Variants in TPRG1 observed in about 807,000 individuals in gnomAD.
TPRG1 encodes tumor protein p63-regulated gene 1 protein.
A neutral mutation model predicts 29.3 loss-of-function variants in TPRG1; 29 were observed. The observed-to-expected ratio is 0.99, with a 90% CI of 0.74 to 1.35. The LOEUF is 1.35. TPRG1 is among the 40% of genes most tolerant of loss of function. TPRG1 has a pLI of 0.00. For missense variants in TPRG1, 327 were observed against 335.0 expected (o/e 0.98, Z 0.19); for synonymous variants, 130 against 116.8 (o/e 1.11, Z -0.73).
Position 189,195,834 on chromosome 3 carries a change from A to G in TPRG1, c.-9-11542A>G, listed in dbSNP as rs138548704. On this transcript the variant is annotated intron_variant, in intron 1 of 5. Coordinates refer to ENST00000345063, the MANE Select transcript of TPRG1 (RefSeq NM_198485.4). The stretch of plus-strand genomic sequence containing the variant: ...AGGGATGGAGTGGTAGAGGCCTGGC[A>G]TTTCCTTCCCATCTCTACGTAACAA... 1.6e-4 allele frequency among the ~76,000 whole-genome samples: 24 copies of G among 152,210 alleles called. No individual in the cohort carries two copies. In the East Asian group the frequency reaches 4.2e-3, roughly 27 times the overall value.
chr3:189,088,970 ATCTATCTATC>A lies in TPRG1; in HGVS notation c.-462-38085_-462-38076del, dbSNP rs1718153450. 2.0e-4 allele frequency among the ~76,000 whole-genome samples: 9 copies of A among 44,872 alleles called. No individual in the cohort carries two copies. The African/African-American group carries it at 2.0e-3, about 10-fold the overall frequency. The allele number at this position is 44,872 out of a possible 152,430, so 29.4% of individuals were successfully genotyped here. A position where few individuals can be genotyped will look rare whatever the true frequency, so the allele number is the denominator to read the frequency against. On this transcript the variant is annotated intron_variant, in intron 4 of 10. Coordinates refer to the TPRG1 transcript ENST00000433971. ...GTCAGATATATGTGTATCTATTGAT[ATCTATCTATC>A]TATCTATCTATCTATCTATCTATCT... is the stretch of plus-strand genomic sequence containing the variant.
At chr3:189,087,335 C>T (rs1383901156) in intron 4 of TPRG1, among the ~76,000 whole-genome samples, 1 of 152,160 alleles carries the variant, frequency 6.6e-6, no homozygotes, top group East Asian at 1.9e-4. Context: ...ATATCCTTTG[C>T]CCAATTTTTG....
intron 2 of TPRG1, among the ~76,000 whole-genome samples, chr3:189,210,494 A>T (rs1193846388): frequency 6.9e-6 from 1 of 145,646 alleles, no homozygotes; most frequent in African/African-American, 2.8e-5. Context: ...AGTCTCAAAG[A>T]TTGAAATCTA....
chr3:189,259,036 C>G (rs1026511413), intron 4 of TPRG1, among the ~76,000 whole-genome samples: 1 of 152,094 alleles, frequency 6.6e-6, no homozygotes, highest in African/African-American at 2.4e-5. Context: ...TTCCAGGGAC[C>G]AATGGGGTAT....
intron 3 of TPRG1, among the ~76,000 whole-genome samples, chr3:189,223,636 A>T (rs1737257887): frequency 6.6e-6 from 1 of 152,214 alleles, no homozygotes; most frequent in East Asian, 1.9e-4. Context: ...AGAAAAAGTC[A>T]AGAGGTGAAA....
At chr3:189,253,315 A>G (rs966682447) in intron 4 of TPRG1, among the ~76,000 whole-genome samples, 11 of 152,066 alleles carry the variant, frequency 7.2e-5, no homozygotes, top group African/African-American at 1.9e-4. Context: ...GGAACCACTC[A>G]TGGGAGTTCT....
At position 189,006,174 on chromosome 3, in the gene TPRG1, T is replaced by C. The variant is rs140521642; in HGVS notation, c.-660+1414T>C. On this transcript the variant is annotated intron_variant, in intron 3 of 10. Transcript: ENST00000433971. ...AATCCGCATGCAGCTTCCCGATCACTAAGCACACTTTCTTGCAGTACAGGG... is the reference window on the plus strand; with the variant it reads ...AATCCGCATGCAGCTTCCCGATCACCAAGCACACTTTCTTGCAGTACAGGG... 4.6e-3 allele frequency among the ~76,000 whole-genome samples: 707 copies of C among 152,242 alleles called. 5 individuals are homozygous for C. The highest frequency in any genetic ancestry group is 7.0e-3 in the Non-Finnish European group (473 of 67,990).
intron 3 of TPRG1, among the ~76,000 whole-genome samples, chr3:189,143,262 A>G (rs1454788008): frequency 2.0e-5 from 3 of 152,176 alleles, no homozygotes; most frequent in African/African-American, 7.2e-5. Flanking sequence ...TAATATCTCC[A>G]TTCTCCAGAT....
intron 4 of TPRG1, among the ~76,000 whole-genome samples, chr3:189,296,406 TG>T (rs1472660480): frequency 1.3e-5 from 2 of 152,234 alleles, no homozygotes; most frequent in Non-Finnish European, 2.9e-5. Flanking sequence ...CAGCTAATGT[TG>T]CTGTTGGCTA....
intron 5 of TPRG1, among the ~76,000 whole-genome samples, chr3:189,157,143 A>C (rs7620609): frequency 0.4 from 60,202 of 151,720 alleles, 12,149 homozygotes; most frequent in South Asian, 0.54. Context: ...CAATGTTTTC[A>C]AAGAGGCTTC....
intron 5 of TPRG1, 103 bp from the exon 6 acceptor site, chr3:189,320,523 C>A: frequency 1.1e-6 from 1 of 910,046 alleles, no homozygotes; most frequent in Non-Finnish European, 1.6e-6. Context: ...TAACTGCAGC[C>A]CCAGGAGAGT....
intron 4 of TPRG1, among the ~76,000 whole-genome samples, chr3:189,094,094 C>T (rs1718515530): frequency 1.3e-5 from 2 of 152,160 alleles, no homozygotes; most frequent in South Asian, 2.1e-4. Flanking sequence ...GCCCTAAGCT[C>T]GAACCCTGGG....
intron 4 of TPRG1, among the ~76,000 whole-genome samples, chr3:189,091,670 A>G (rs1045877183): frequency 1.3e-5 from 2 of 152,196 alleles, no homozygotes; most frequent in East Asian, 3.8e-4. Flanking sequence ...TAACAACTTC[A>G]GTAGTTTTTC....
At chr3:189,179,953 G>A (rs1012459895) in intron 1 of TPRG1, among the ~76,000 whole-genome samples, 3 of 152,186 alleles carry the variant, frequency 2.0e-5, no homozygotes, top group African/African-American at 7.2e-5. Context: ...AAAGAAAGAG[G>A]TTTAGTGGAC....
chr3:189,106,693 T>C (rs1176030338), intron 1 of TPRG1, among the ~76,000 whole-genome samples: 3 of 152,172 alleles, frequency 2.0e-5, no homozygotes, highest in Non-Finnish European at 2.9e-5. Flanking sequence ...ATGTAATAAA[T>C]GATTGTCACA....
intron 3 of TPRG1, among the ~76,000 whole-genome samples, chr3:189,232,452 C>A (rs775611565): frequency 6.6e-6 from 1 of 152,184 alleles, no homozygotes; most frequent in African/African-American, 2.4e-5. Context: ...GCCCTATGGG[C>A]AAGAGGCTGG....
intron 5 of TPRG1, among the ~76,000 whole-genome samples, chr3:189,155,509 T>C (rs765798446): frequency 2.6e-5 from 4 of 151,870 alleles, no homozygotes; most frequent in Non-Finnish European, 5.9e-5. Context: ...AGGGTCCTTA[T>C]AAGAAAAAAC....
rs141502459 is a variant in TPRG1, at chr3:189,214,121, G to A, written c.211-1171G>A. ...GCTTTGCCAATTATTTTCCATAAGC[G>A]AGGCAAATAAGGTTTTAAAAATTCT... On this transcript the variant is annotated intron_variant, in intron 2 of 5. Coordinates refer to ENST00000345063, the MANE Select transcript of TPRG1 (RefSeq NM_198485.4). 4.7e-4 allele frequency among the ~76,000 whole-genome samples: 72 copies of A among 152,154 alleles called. 1 individual carries two copies. In the East Asian group the frequency reaches 0.011, roughly 24 times the overall value.
At chr3:189,080,923 C>G (rs565934383) in intron 4 of TPRG1, among the ~76,000 whole-genome samples, 1 of 151,370 alleles carries the variant, frequency 6.6e-6, no homozygotes, top group Non-Finnish European at 1.5e-5. Context: ...TGAGAAGAGA[C>G]CAGAGGCAGG....
Sources: gnomAD v4.1 joint callset for allele counts (sites outside exome capture counted in the v4.1 genomes callset) on GRCh38, gnomAD v4.1.1 for gene constraint, MANE v1.5 for transcripts, NCBI Gene and HGNC (gene_info 2026-07-23, HGNC 2026-07-21) for gene names.